SNAP25: variants seen among roughly 807,000 people sequenced by gnomAD.
SNAP25 encodes the protein synaptosomal-associated protein 25.
Under a neutral mutation model 28.7 loss-of-function variants are expected in SNAP25, and 3 were observed. That is an observed-to-expected ratio of 0.10 (90% CI 0.05 to 0.27). The LOEUF (loss-of-function observed/expected upper bound fraction) is 0.27. SNAP25 is among the 10% of genes least tolerant of loss of function. The pLI is 1.00. For missense variants in SNAP25, 117 were observed against 278.7 expected (o/e 0.42, Z 4.13); for synonymous variants, 61 against 88.1 (o/e 0.69, Z 1.72).
At chr20:10,242,333 C>T (rs918051170) in intron 1 of SNAP25, among the ~76,000 whole-genome samples, 12 of 152,180 alleles carry the variant, frequency 7.9e-5, no homozygotes, top group African/African-American at 1.7e-4. Context: ...CCTTGACACT[C>T]GGAGTGCCAG....
At chr20:10,292,267 T>A (rs2064013688) in intron 4 of SNAP25, among the ~76,000 whole-genome samples, 1 of 152,326 alleles carries the variant, frequency 6.6e-6, no homozygotes, top group Non-Finnish European at 1.5e-5. Flanking sequence ...AATGTTGCTG[T>A]GTGGATGTTA....
At chr20:10,249,520 G>GA (rs1008040936) in intron 1 of SNAP25, among the ~76,000 whole-genome samples, 4 of 151,944 alleles carry the variant, frequency 2.6e-5, no homozygotes, top group Non-Finnish European at 4.4e-5. Context: ...TTCCTTACAA[G>GA]AAAAAAAATA....
chr20:10,279,613 GT>G (rs2063747163), intron 3 of SNAP25, among the ~76,000 whole-genome samples: 2 of 152,190 alleles, frequency 1.3e-5, no homozygotes, highest in Non-Finnish European at 2.9e-5. Context: ...ATGTCGTCCA[GT>G]CTTCAAAAAT....
chr20:10,278,289 T>C (rs1184938549), intron 3 of SNAP25, among the ~76,000 whole-genome samples: 4 of 152,168 alleles, frequency 2.6e-5, no homozygotes, highest in African/African-American at 7.2e-5. Flanking sequence ...ACAGAAGCTT[T>C]TTTATATTCC....
intron 4 of SNAP25, among the ~76,000 whole-genome samples, chr20:10,285,755 T>A (rs1308427788): frequency 6.6e-6 from 1 of 152,028 alleles, no homozygotes; most frequent in Non-Finnish European, 1.5e-5. Context: ...CCCTTGCATA[T>A]CAAAGAAAAG....
At chr20:10,261,454 A>G (rs895814751) in intron 1 of SNAP25, among the ~76,000 whole-genome samples, 1 of 152,194 alleles carries the variant, frequency 6.6e-6, no homozygotes, top group South Asian at 2.1e-4. Flanking sequence ...ACATATGGAA[A>G]CATAGGCAAG....
rs529838661 is a variant in SNAP25 at position 10,222,375 on chromosome 20, G to A, written c.-64+3398G>A. The stretch of plus-strand genomic sequence containing the variant: ...GGACTGGAACAATCTGAGAGAAGAG[G>A]CAGGCCTTGAGATGGCTTTTGGAGG... On this transcript the variant is annotated intron_variant, in intron 1 of 7. Coordinates refer to ENST00000254976, the MANE Select transcript of SNAP25 (RefSeq NM_130811.4). 4.5e-4 allele frequency among the ~76,000 whole-genome samples: 68 copies of A among 152,324 alleles called. 1 individual carries two copies. Among genetic ancestry groups the A allele is most frequent in the Non-Finnish European group, 9.0e-4 (61 of 68,026 alleles).
intron 1 of SNAP25, among the ~76,000 whole-genome samples, chr20:10,237,484 C>T (rs2062944458): frequency 6.6e-6 from 1 of 152,146 alleles, no homozygotes; most frequent in African/African-American, 2.4e-5. Context: ...ATGGTGGGCA[C>T]CAACTGGCTG....
chr20:10,255,952 T>C (rs1413372188), intron 1 of SNAP25, among the ~76,000 whole-genome samples: 2 of 152,342 alleles, frequency 1.3e-5, no homozygotes, highest in East Asian at 1.9e-4. Context: ...AAAAAACCTT[T>C]ATGCATAGAT....
intron 7 of SNAP25, among the ~76,000 whole-genome samples, chr20:10,301,103 TC>T (rs1324656163): frequency 6.6e-6 from 1 of 152,202 alleles, no homozygotes; most frequent in African/African-American, 2.4e-5. Context: ...AATAGAAGGG[TC>T]AAACTCTTAT....
In SNAP25 at chr20:10,222,295, C is replaced by T. The variant is rs138395520; in HGVS notation, c.-64+3318C>T. On this transcript the variant is annotated intron_variant, in intron 1 of 7. Coordinates refer to ENST00000254976, the MANE Select transcript of SNAP25 (RefSeq NM_130811.4). ...TTTGAGGACATATGTGATTAATTTC[C>T]AAGTGAATGTAACCAACAATAAGTA... is the stretch of plus-strand genomic sequence containing the variant. 5.8e-4 allele frequency among the ~76,000 whole-genome samples: 89 copies of T among 152,220 alleles called. No individual in the cohort carries two copies. The East Asian group carries it at 0.013, about 23-fold the overall frequency.
At chr20:10,284,633 T>C in intron 3 of SNAP25, 91 bp from the exon 4 acceptor site, 1 of 989,416 alleles carries the variant, frequency 1.0e-6, no homozygotes, top group South Asian at 1.3e-5. Flanking sequence ...CATTTTCCAT[T>C]TATAGGGCTA....
intron 1 of SNAP25, among the ~76,000 whole-genome samples, chr20:10,221,288 CA>C (rs2062629169): frequency 6.6e-6 from 1 of 152,040 alleles, no homozygotes; most frequent in Non-Finnish European, 1.5e-5. Context: ...GTGAAGATGG[CA>C]AAGGGCACAG....
intron 1 of SNAP25, among the ~76,000 whole-genome samples, chr20:10,250,562 A>G (rs1202589476): frequency 6.6e-6 from 1 of 152,244 alleles, no homozygotes; most frequent in Non-Finnish European, 1.5e-5. Context: ...AGTCTCTAGG[A>G]TGCTAACGCT....
Position 10,293,344 on chromosome 20 carries a change from C to A in SNAP25, c.281+66C>A. ...GCCCATCTCCAAGCCTTGACAAGCT[C>A]ATTCCTGCCAAGCTCATAGGCAGGA... On this transcript the variant is annotated intron_variant, in intron 5 of 7. Transcript: ENST00000254976. The surrounding 1 kb of genome is among the most constrained non-coding windows in gnomAD (Gnocchi z 5.6). The A allele has an allele frequency of 8.1e-7, 1 of 1,240,670 alleles. No individual in the cohort carries two copies. Among genetic ancestry groups the A allele is most frequent in the South Asian group, 1.2e-5 (1 of 81,984 alleles). 76.9% of individuals were successfully genotyped at this position (1,240,670 alleles called of 1,614,324 possible).
In SNAP25 at chr20:10,275,575, A is replaced by G; in HGVS notation, c.72+12A>G. 1 of 1,583,026 alleles carries G rather than the reference A, an allele frequency of 6.3e-7. No homozygotes were observed. The highest frequency in any genetic ancestry group is 8.6e-7 in the Non-Finnish European group (1 of 1,162,042). On this transcript the variant is annotated intron_variant, in intron 2 of 7. Transcript: ENST00000254976. ...AGTTGGCTGATGAGGTAAGGAGTGG[A>G]GACCTAGGAAGGGAGGCAAAAGATG...
intron 1 of SNAP25, among the ~76,000 whole-genome samples, chr20:10,249,730 G>T (rs2063192166): frequency 6.6e-6 from 1 of 152,150 alleles, no homozygotes; most frequent in Non-Finnish European, 1.5e-5. Context: ...AGAATCTCTA[G>T]ATTTGGAGCC....
chr20:10,299,160 G>A (rs1399260479), intron 6 of SNAP25, 108 bp from the exon 7 acceptor site: 1 of 1,242,758 alleles, frequency 8.0e-7, no homozygotes, highest in Non-Finnish European at 1.1e-6. Context: ...ATTAAAGATA[G>A]ATAAAGTTGA....
chr20:10,220,203 T>C (rs2062603817), intron 1 of SNAP25, among the ~76,000 whole-genome samples: 1 of 152,206 alleles, frequency 6.6e-6, no homozygotes, highest in Admixed American at 6.5e-5. Flanking sequence ...AGAATCAACT[T>C]TAAGAATGAA....
Sources: allele counts gnomAD v4.1 joint callset (sites outside exome capture counted in the v4.1 genomes callset), GRCh38; gene constraint gnomAD v4.1.1; non-coding constraint Gnocchi (gnomAD v3.1); transcripts MANE v1.5; gene names NCBI Gene and HGNC (gene_info 2026-07-23, HGNC 2026-07-21).